The following METAP1D variants were observed in gnomAD, a reference collection of about 807,000 sequenced individuals.
METAP1D encodes the protein methionine aminopeptidase 1D, mitochondrial.
A neutral mutation model predicts 40.5 loss-of-function variants in METAP1D; 31 were observed. The ratio of observed to expected loss-of-function variants is 0.77; its 90% CI spans 0.58 to 1.03. The LOEUF is 1.03. Among genes scored for constraint, METAP1D ranks in the 50% least tolerant of loss-of-function variants. The probability of loss-of-function intolerance (pLI) is 0.00; values close to 1 mark genes in which losing one functional copy is unlikely to be tolerated. For synonymous variants in METAP1D, 151 were observed against 146.4 expected, an observed-to-expected ratio of 1.03 and a Z score of -0.22; for missense variants, 411 against 420.7, an observed-to-expected ratio of 0.98 and a Z score of 0.20.
intron 5 of METAP1D, 162 bp from the exon 6 acceptor site, chr2:172,070,745 C>G (rs1230616973): frequency 4.4e-6 from 2 of 454,030 alleles, no homozygotes; most frequent in Non-Finnish European, 7.0e-6. Context: ...TAAATTTCTG[C>G]AAGGTTTCAA....
chr2:172,013,924 G>A (rs1558994067), intron 1 of METAP1D, among the ~76,000 whole-genome samples: 3 of 149,690 alleles, frequency 2.0e-5, no homozygotes, highest in Non-Finnish European at 4.4e-5. Flanking sequence ...GGGTTCAAGC[G>A]ATTCTCCTGG....
At chr2:172,038,347 G>C (rs1180172737) in intron 1 of METAP1D, among the ~76,000 whole-genome samples, 2 of 152,140 alleles carry the variant, frequency 1.3e-5, no homozygotes, top group African/African-American at 4.8e-5. Flanking sequence ...ATTCCAAACA[G>C]CTAAGACCAC....
chr2:172,043,644 T>C (rs1689670600), intron 1 of METAP1D, among the ~76,000 whole-genome samples: 1 of 135,248 alleles, frequency 7.4e-6, no homozygotes, highest in Non-Finnish European at 1.7e-5. Flanking sequence ...AAATTTCATT[T>C]ATTGTAGCAA....
chr2:172,022,200 TC>T (rs1254251133), intron 1 of METAP1D, among the ~76,000 whole-genome samples: 1 of 152,160 alleles, frequency 6.6e-6, no homozygotes, highest in Admixed American at 6.6e-5. Flanking sequence ...CTCCTGCTTT[TC>T]CCTTTAAGGG....
At chr2:172,010,751 T>G (rs2105378443) in intron 1 of METAP1D, among the ~76,000 whole-genome samples, 1 of 147,990 alleles carries the variant, frequency 6.8e-6, no homozygotes, top group South Asian at 2.2e-4. Context: ...GCCCAATGTT[T>G]TTTTTTTTTT....
chr2:172,051,387 A>G (rs1689881284), intron 1 of METAP1D, among the ~76,000 whole-genome samples: 1 of 152,216 alleles, frequency 6.6e-6, no homozygotes, highest in African/African-American at 2.4e-5. Flanking sequence ...TTCTTGTTTT[A>G]AATACAGATG....
rs550596875 is a variant in METAP1D at position 172,054,467 on chromosome 2, C to T, written c.41-7031C>T. ...CCGGGAGGCAGAGGTTGCAGTGAGC[C>T]GAGATCGTGCTACTGCACTCTAGCC... On this transcript the variant is annotated intron_variant, in intron 1 of 9. Transcript: ENST00000315796. Among the ~76,000 whole-genome samples the T allele has an allele frequency of 6.1e-4, 93 of 151,868 alleles. 1 individual carries two copies. The highest frequency in any genetic ancestry group is 1.4e-3 in the Admixed American group (21 of 15,254).
In METAP1D at chr2:172,043,883, C is replaced by T. The variant is rs544582677; in HGVS notation, c.41-17615C>T. Among the ~76,000 whole-genome samples the T allele has an allele frequency of 2.7e-4, 37 of 134,576 alleles. 4 individuals carry two copies. The highest frequency in any genetic ancestry group is 7.3e-4 in the African/African-American group (29 of 39,846). The allele number at this position is 134,576 out of a possible 152,430, so 88.3% of individuals were successfully genotyped here. The stretch of plus-strand genomic sequence containing the variant: ...ACCAAGGCAGGAGGATCACTTGAAT[C>T]CAGGAGTTTGAGACTAGCCTGGGCA... On this transcript the variant is annotated intron_variant, in intron 1 of 9. Transcript: ENST00000315796.
In METAP1D at chr2:172,080,445, A is replaced by T; in HGVS notation, c.*39A>T. 2 of 1,600,502 alleles carry T rather than the reference A, an allele frequency of 1.2e-6. No homozygotes were observed. The highest frequency in any genetic ancestry group is 8.6e-7 in the Non-Finnish European group (1 of 1,168,218). ...GGTCGCGGTGACCTGGTGCCTTTTT[A>T]AATAAATTGCTGAAATTTGGCTGGA... On this transcript the variant is annotated 3_prime_UTR_variant, in exon 10 of 10. Coordinates refer to ENST00000315796, the MANE Select transcript of METAP1D (RefSeq NM_199227.3).
At chr2:172,078,918 G>A (rs1293032253) in intron 7 of METAP1D, among the ~76,000 whole-genome samples, 3 of 152,178 alleles carry the variant, frequency 2.0e-5, no homozygotes, top group Non-Finnish European at 4.4e-5. Flanking sequence ...GGGACAGGGA[G>A]AGGGGGCGAG....
chr2:172,064,737 G>A (rs999281170), intron 3 of METAP1D, among the ~76,000 whole-genome samples: 1 of 152,020 alleles, frequency 6.6e-6, no homozygotes, highest in African/African-American at 2.4e-5. Context: ...CCAAAAGGTG[G>A]GCAGAATTTA....
intron 6 of METAP1D, among the ~76,000 whole-genome samples, chr2:172,074,420 A>T (rs1009213427): frequency 1.4e-4 from 22 of 152,194 alleles, no homozygotes; most frequent in African/African-American, 5.3e-4. Flanking sequence ...GTCATCTGTG[A>T]TGGATTTTTC....
At chr2:172,061,008 T>C (rs896881104) in intron 1 of METAP1D, among the ~76,000 whole-genome samples, 1 of 152,256 alleles carries the variant, frequency 6.6e-6, no homozygotes, top group Non-Finnish European at 1.5e-5. Flanking sequence ...TTCATCACAA[T>C]GAATTTCAGT....
chr2:172,024,167 A>C (rs1689068466), intron 1 of METAP1D, among the ~76,000 whole-genome samples: 1 of 152,094 alleles, frequency 6.6e-6, no homozygotes, highest in Non-Finnish European at 1.5e-5. Flanking sequence ...CCTCATTGTA[A>C]AATTCTTTCA....
At chr2:172,043,147 C>T (rs1284671474) in intron 1 of METAP1D, among the ~76,000 whole-genome samples, 2 of 125,188 alleles carry the variant, frequency 1.6e-5, no homozygotes, top group Non-Finnish European at 3.7e-5. Context: ...TCACTTTGTT[C>T]CCCAGGCTGG....
chr2:172,077,726 A>G (rs1361866526), intron 6 of METAP1D, 71 bp from the exon 7 acceptor site: 4 of 669,412 alleles, frequency 6.0e-6, no homozygotes, highest in African/African-American at 1.9e-5. Flanking sequence ...TTTTAAAGTG[A>G]CTTTGTTTTA....
rs1481594126 is a variant in METAP1D at position 172,045,827 on chromosome 2, A to G, written c.41-15671A>G. On this transcript the variant is annotated intron_variant, in intron 1 of 9. Transcript: ENST00000315796. ...TGTGTGTGTGTGTGTGTGTATATAT[A>G]TATATATATATATATATATATATAT... 1.3e-3 allele frequency among the ~76,000 whole-genome samples: 85 copies of G among 64,206 alleles called. 1 individual carries two copies. The highest frequency in any genetic ancestry group is 4.1e-3 in the African/African-American group (66 of 16,194). 42.1% of individuals were successfully genotyped at this position (64,206 alleles called of 152,430 possible). A position where few individuals can be genotyped will look rare whatever the true frequency, so the allele number is the denominator to read the frequency against.
At chr2:172,069,734 T>C (rs1205805951) in intron 5 of METAP1D, among the ~76,000 whole-genome samples, 2 of 152,202 alleles carry the variant, frequency 1.3e-5, no homozygotes, top group Non-Finnish European at 2.9e-5. Flanking sequence ...AACACTCGAT[T>C]AGAAGCCAAT....
chr2:172,003,651 A>C (rs1219791801), intron 1 of METAP1D, among the ~76,000 whole-genome samples: 1 of 152,174 alleles, frequency 6.6e-6, no homozygotes, highest in Non-Finnish European at 1.5e-5. Context: ...AGGCCTCCCG[A>C]GCCATGCAGA....
Sources: allele counts gnomAD v4.1 joint callset (sites outside exome capture counted in the v4.1 genomes callset), GRCh38; gene constraint gnomAD v4.1.1; transcripts MANE v1.5; gene names NCBI Gene and HGNC (gene_info 2026-07-23, HGNC 2026-07-21).